The following MCUB variants were observed in gnomAD, a reference collection of about 807,000 sequenced individuals.
MCUB encodes the protein calcium uniporter regulatory subunit MCUb, mitochondrial.
A neutral mutation model predicts 41.4 loss-of-function variants in MCUB; 46 were observed. The observed-to-expected ratio is 1.11, with a 90% CI of 0.88 to 1.42. MCUB has a LOEUF of 1.42. MCUB is among the 40% of genes most tolerant of loss of function. The probability of loss-of-function intolerance (pLI) is 0.00; values close to 1 mark genes in which losing one functional copy is unlikely to be tolerated. For synonymous variants in MCUB, 148 were observed against 148.2 expected, an observed-to-expected ratio of 1.00 and a Z score of 0.01; for missense variants, 403 against 404.9, an observed-to-expected ratio of 1.00 and a Z score of 0.04.
rs1029497132 is a variant in MCUB at position 109,684,480 on chromosome 4, C to T, written c.650C>T (p.Thr217Ile). 6.2e-7 allele frequency: 1 copy of T among 1,613,202 alleles called. No homozygotes were observed. The highest frequency in any genetic ancestry group is 1.7e-5 in the Admixed American group (1 of 59,698). ...AGIEAHSEAK[T>I]SGLLWAGLAL... ...ATAGAAGCTCATTCGGAAGCCAAAA[C>T]CAGTGGACTCCTGTGGGCTGGATTG... The change falls in exon 6 of 8, where the codon ACC becomes ATC. Residue 217 changes from threonine to isoleucine, a missense_variant. Thr to Ile is a moderately conservative substitution (Grantham distance 89). Coordinates refer to ENST00000394650, the MANE Select transcript of MCUB (RefSeq NM_017918.5).
chr4:109,631,587 A>G (rs1728475711), intron 1 of MCUB, among the ~76,000 whole-genome samples: 1 of 152,220 alleles, frequency 6.6e-6, no homozygotes, highest in African/African-American at 2.4e-5. Flanking sequence ...AAGAGGAAGT[A>G]TAGTTTCAGT....
In MCUB at chr4:109,681,392, T is replaced by A. The variant is rs540146860; in HGVS notation, c.452-1190T>A. ...GGTGCAGTCTCCAAGCTGAAAAGGG[T>A]CTAAAGTTGTCTCTGGCGATCTACC... On this transcript the variant is annotated intron_variant, in intron 4 of 7. Coordinates refer to ENST00000394650, the MANE Select transcript of MCUB (RefSeq NM_017918.5). The A allele has an allele frequency of 5.2e-4, 229 of 441,950 alleles. 2 individuals carry two copies. Among genetic ancestry groups the A allele is most frequent in the South Asian group, 3.6e-3 (225 of 61,690 alleles). 27.4% of individuals were successfully genotyped at this position (441,950 alleles called of 1,614,324 possible).
At chr4:109,677,924 G>A (rs1346106264) in intron 4 of MCUB, among the ~76,000 whole-genome samples, 1 of 149,336 alleles carries the variant, frequency 6.7e-6, no homozygotes, top group Non-Finnish European at 1.5e-5. Context: ...ATAAACACGT[G>A]AACAAAGGTC....
At chr4:109,574,462 G>C (rs1726983699) in intron 1 of MCUB, among the ~76,000 whole-genome samples, 1 of 152,142 alleles carries the variant, frequency 6.6e-6, no homozygotes, top group South Asian at 2.1e-4. Context: ...CTAGAGCCTG[G>C]TGCTGGAGAA....
chr4:109,668,155 T>C (rs952203021), intron 4 of MCUB, among the ~76,000 whole-genome samples: 7 of 152,162 alleles, frequency 4.6e-5, no homozygotes, highest in Non-Finnish European at 1.0e-4. Flanking sequence ...CTCAGTTGAT[T>C]GGTGGTGCTA....
chr4:109,591,511 A>C (rs1727436566), intron 1 of MCUB, among the ~76,000 whole-genome samples: 1 of 151,472 alleles, frequency 6.6e-6, no homozygotes, highest in South Asian at 2.1e-4. Flanking sequence ...TGTTGTGTAG[A>C]CTTTGTTGGT....
At chr4:109,648,449 A>G in intron 1 of MCUB, 2 of 309,774 alleles carry the variant, frequency 6.5e-6, no homozygotes, top group South Asian at 2.7e-5. Flanking sequence ...GTATTAGCCA[A>G]ATGCCAAACG....
chr4:109,649,582 T>G (rs1579082833), intron 1 of MCUB, among the ~76,000 whole-genome samples: 1 of 152,340 alleles, frequency 6.6e-6, no homozygotes, highest in East Asian at 1.9e-4. Context: ...CTCTGCCGTC[T>G]ATTAATTCAC....
chr4:109,612,717 A>G (rs1303233617), intron 1 of MCUB, among the ~76,000 whole-genome samples: 1 of 152,140 alleles, frequency 6.6e-6, no homozygotes, highest in Non-Finnish European at 1.5e-5. Flanking sequence ...GGGACATACA[A>G]ATATTTAATC....
At chr4:109,650,375 C>A (rs1728934854) in intron 1 of MCUB, among the ~76,000 whole-genome samples, 1 of 152,110 alleles carries the variant, frequency 6.6e-6, no homozygotes, top group African/African-American at 2.4e-5. Flanking sequence ...TAGTTTCCTA[C>A]TGGCATGCAA....
intron 4 of MCUB, among the ~76,000 whole-genome samples, chr4:109,665,833 T>TA (rs1283091271): frequency 6.6e-6 from 1 of 151,556 alleles, no homozygotes; most frequent in Non-Finnish European, 1.5e-5. Flanking sequence ...GGGCGCATGG[T>TA]AGTAGGGCCA....
rs772509774 is a variant in MCUB, at chr4:109,631,174, C to T, written c.100-27837C>T. 5.9e-5 allele frequency among the ~76,000 whole-genome samples: 9 copies of T among 152,242 alleles called. No homozygotes were observed. In the South Asian group the frequency reaches 6.2e-4, roughly 11 times the overall value. ...AGCAAGTTATTATATAAATAATTTC[C>T]GCTCAATTAGAAACTGAGTATGCAC... On this transcript the variant is annotated intron_variant, in intron 1 of 7. Transcript: ENST00000394650.
chr4:109,597,759 G>A lies in MCUB; in HGVS notation c.99+37323G>A, dbSNP rs917470398. The stretch of plus-strand genomic sequence containing the variant: ...TGACCCCCCCACCTCCCTCCCGGAC[G>A]GGGTGGCTGCCGGGCGGAGAGGCTC... On this transcript the variant is annotated intron_variant, in intron 1 of 7. Transcript: ENST00000394650. 1.1e-4 allele frequency among the ~76,000 whole-genome samples: 16 copies of A among 150,686 alleles called. No individual in the cohort carries two copies. In the East Asian group the frequency reaches 1.4e-3, roughly 13 times the overall value.
chr4:109,664,681 G>C (rs1038625797), intron 4 of MCUB, among the ~76,000 whole-genome samples: 2 of 152,078 alleles, frequency 1.3e-5, no homozygotes, highest in African/African-American at 4.8e-5. Flanking sequence ...TTTCCAGAGG[G>C]AGCAAAGTTT....
At position 109,597,946 on chromosome 4, in the gene MCUB, C is replaced by T. The variant is rs1040100611; in HGVS notation, c.99+37510C>T. 2.0e-5 allele frequency among the ~76,000 whole-genome samples: 3 copies of T among 151,364 alleles called. No homozygotes were observed. The East Asian group carries it at 5.9e-4, about 30-fold the overall frequency. ...CGCGGCCGGGCAGAGGCGCTCCTCA[C>T]ATCCCAGATGGGGCGGCGGGGCAGA... On this transcript the variant is annotated intron_variant, in intron 1 of 7. Coordinates refer to ENST00000394650, the MANE Select transcript of MCUB (RefSeq NM_017918.5).
intron 1 of MCUB, among the ~76,000 whole-genome samples, chr4:109,612,128 G>A (rs1212433813): frequency 6.6e-6 from 1 of 152,178 alleles, no homozygotes; most frequent in Non-Finnish European, 1.5e-5. Context: ...AGGCTGGAAA[G>A]TCCAACATCA....
intron 1 of MCUB, among the ~76,000 whole-genome samples, chr4:109,596,697 A>T (rs1049721280): frequency 1.3e-5 from 2 of 149,540 alleles, no homozygotes; most frequent in Non-Finnish European, 3.0e-5. Context: ...AAAGACACAG[A>T]TGTCTTTATT....
At chr4:109,571,322 T>C (rs1036150567) in intron 1 of MCUB, among the ~76,000 whole-genome samples, 1 of 152,098 alleles carries the variant, frequency 6.6e-6, no homozygotes, top group Non-Finnish European at 1.5e-5. Flanking sequence ...TTTATTTATT[T>C]ATTTATTTGA....
At chr4:109,685,781 C>G (rs1729825443) in intron 7 of MCUB, among the ~76,000 whole-genome samples, 2 of 152,196 alleles carry the variant, frequency 1.3e-5, no homozygotes, top group African/African-American at 4.8e-5. Context: ...CTGAAAGGCA[C>G]TTACTCAGGT....
Sources: allele counts gnomAD v4.1 joint callset (sites outside exome capture counted in the v4.1 genomes callset), GRCh38; gene constraint gnomAD v4.1.1; transcripts MANE v1.5; gene names NCBI Gene and HGNC (gene_info 2026-07-23, HGNC 2026-07-21).